The following CENPW variants were observed in gnomAD, a reference collection of about 807,000 sequenced individuals.
CENPW encodes the protein centromere protein W, also known as cancer-up-regulated gene 2 protein.
In CENPW, 3 loss-of-function variants were observed where a neutral mutation model predicts 11.1. That is an observed-to-expected ratio of 0.27 (90% CI 0.12 to 0.70). The LOEUF is 0.70. Ranked by LOEUF, CENPW falls within the 30% of genes least tolerant of loss-of-function variation. The pLI is 0.77. For synonymous variants in CENPW, 38 were observed against 42.0 expected (o/e 0.91, Z 0.37); for missense variants, 100 against 105.6 (o/e 0.95, Z 0.23).
the CENPW span, among the ~76,000 whole-genome samples, chr6:126,395,495 T>G: frequency 2.0e-5 from 3 of 152,242 alleles, no homozygotes; most frequent in Non-Finnish European, 4.4e-5. Context: ...TTGAATTCTG[T>G]GTCTGAAAGA....
chr6:126,458,894 G>C, the CENPW span, among the ~76,000 whole-genome samples: 1 of 151,304 alleles, frequency 6.6e-6, no homozygotes, highest in African/African-American at 2.4e-5. Context: ...CTTTTGGTCT[G>C]TGTAGGAGGT....
chr6:126,390,960 C>T, the CENPW span, among the ~76,000 whole-genome samples: 3 of 151,802 alleles, frequency 2.0e-5, no homozygotes, highest in African/African-American at 7.3e-5. Context: ...CTTCAATATA[C>T]TGATTTCCTT....
At chr6:126,422,942 T>G in the CENPW span, among the ~76,000 whole-genome samples, 6 of 152,106 alleles carry the variant, frequency 3.9e-5, no homozygotes, top group Non-Finnish European at 5.9e-5. Context: ...GTAACCACAG[T>G]GAATTGTTTT....
At chr6:126,463,682 A>T in the CENPW span, among the ~76,000 whole-genome samples, 1 of 152,034 alleles carries the variant, frequency 6.6e-6, no homozygotes, top group Non-Finnish European at 1.5e-5. Context: ...TTATGCCAAT[A>T]AGTTAGACAA....
chr6:126,434,226 A>G, the CENPW span, among the ~76,000 whole-genome samples: 1 of 152,058 alleles, frequency 6.6e-6, no homozygotes, highest in East Asian at 1.9e-4. Context: ...TTTGCTTGAT[A>G]CCAACATGAA....
the CENPW span, among the ~76,000 whole-genome samples, chr6:126,377,450 A>G: frequency 1.3e-5 from 2 of 152,188 alleles, no homozygotes; most frequent in Non-Finnish European, 1.5e-5. Context: ...ATCACTGTCT[A>G]CTTAATTTTT....
chr6:126,395,917 T>C, the CENPW span, among the ~76,000 whole-genome samples: 1 of 152,124 alleles, frequency 6.6e-6, no homozygotes, highest in African/African-American at 2.4e-5. Flanking sequence ...CTGGGCCACA[T>C]AGAGCTGGGG....
chr6:126,399,697 C>A, the CENPW span, among the ~76,000 whole-genome samples: 1 of 151,850 alleles, frequency 6.6e-6, no homozygotes. Flanking sequence ...GCTGAGTATA[C>A]AATAGAGATT....
the CENPW span, among the ~76,000 whole-genome samples, chr6:126,431,303 C>G: frequency 6.6e-6 from 1 of 152,138 alleles, no homozygotes; most frequent in Non-Finnish European, 1.5e-5. Context: ...TTGTTTTAAT[C>G]TGCTAATGTT....
At chr6:126,347,516 T>C (rs1299785400) in intron 2 of CENPW, among the ~76,000 whole-genome samples, 1 of 152,156 alleles carries the variant, frequency 6.6e-6, no homozygotes, top group Non-Finnish European at 1.5e-5. Context: ...ATTCAAACTT[T>C]CTTTTGAAGT....
chr6:126,455,824 A>G, the CENPW span, among the ~76,000 whole-genome samples: 3 of 151,212 alleles, frequency 2.0e-5, no homozygotes, highest in African/African-American at 7.3e-5. Flanking sequence ...AAAACCCCAT[A>G]GTTTCTGCCC....
At chr6:126,423,912 A>G in the CENPW span, among the ~76,000 whole-genome samples, 10 of 151,612 alleles carry the variant, frequency 6.6e-5, no homozygotes, top group African/African-American at 2.4e-4. Context: ...ACATATGTAT[A>G]CATGTGCCAT....
At chr6:126,361,761 A>G in the CENPW span, among the ~76,000 whole-genome samples, 1 of 152,096 alleles carries the variant, frequency 6.6e-6, no homozygotes, top group East Asian at 1.9e-4. Context: ...GGTAGAGGCC[A>G]GGACAGGGAG....
chr6:126,476,395 T>C, the CENPW span, among the ~76,000 whole-genome samples: 1 of 152,108 alleles, frequency 6.6e-6, no homozygotes, highest in Non-Finnish European at 1.5e-5. Flanking sequence ...TTTCTAAAAT[T>C]TCATTTTGAC....
the CENPW span, among the ~76,000 whole-genome samples, chr6:126,359,796 T>G: frequency 6.6e-6 from 1 of 152,066 alleles, no homozygotes; most frequent in African/African-American, 2.4e-5. Flanking sequence ...GAACTTTCTT[T>G]ATCCCTTTAT....
At chr6:126,417,124 G>C in the CENPW span, among the ~76,000 whole-genome samples, 53 of 152,334 alleles carry the variant, frequency 3.5e-4, no homozygotes, top group Non-Finnish European at 6.8e-4. Context: ...GTGTGACCTG[G>C]ATGTGAGTCA....
downstream of CENPW, among the ~76,000 whole-genome samples, chr6:126,352,091 C>T (rs2128290472): frequency 6.6e-6 from 1 of 152,154 alleles, no homozygotes; most frequent in South Asian, 2.1e-4. Flanking sequence ...CATCCAGGGG[C>T]CATGCTTCCG....
the CENPW span, among the ~76,000 whole-genome samples, chr6:126,381,794 C>T: frequency 6.6e-6 from 1 of 152,200 alleles, no homozygotes; most frequent in African/African-American, 2.4e-5. Context: ...GCTAGTGCAG[C>T]AAGTTCCTAA....
the CENPW span, among the ~76,000 whole-genome samples, chr6:126,422,265 A>G: frequency 1.3e-5 from 2 of 152,270 alleles, no homozygotes; most frequent in Middle Eastern, 3.4e-3. Context: ...ATCCTATATT[A>G]ACCTAGTTAT....
Sources: gnomAD v4.1 joint callset for allele counts (sites outside exome capture counted in the v4.1 genomes callset) on GRCh38, gnomAD v4.1.1 for gene constraint, MANE v1.5 for transcripts, NCBI Gene and HGNC (gene_info 2026-07-23, HGNC 2026-07-21) for gene names.